The following MAGI3 variants were observed in gnomAD, a reference collection of about 807,000 sequenced individuals.
MAGI3 encodes membrane-associated guanylate kinase, WW and PDZ domain-containing protein 3.
Under a neutral mutation model 121.8 loss-of-function variants are expected in MAGI3, and 43 were observed. The observed-to-expected ratio is 0.35, with a 90% CI of 0.28 to 0.46. The LOEUF is 0.46. Ranked by LOEUF, MAGI3 falls within the 20% of genes least tolerant of loss-of-function variation. The pLI, the probability that MAGI3 is intolerant of heterozygous loss-of-function variation, is 1.00. For missense variants in MAGI3, 1,547 were observed against 1,797.3 expected (o/e 0.86, Z 2.52); for synonymous variants, 553 against 639.3 (o/e 0.86, Z 2.04).
Position 113,642,403 on chromosome 1 carries a change from T to C in MAGI3, c.1853T>C (p.Ile618Thr). The C allele has an allele frequency of 1.2e-6, 2 of 1,614,130 alleles. No individual in the cohort carries two copies. The highest frequency in any genetic ancestry group is 1.7e-6 in the Non-Finnish European group (2 of 1,180,030). Residue 618 changes from isoleucine (I) to threonine (T), a missense_variant, in exon 10 of 21, where the codon ATA becomes ACA. Coordinates refer to ENST00000307546, the MANE Select transcript of MAGI3 (RefSeq NM_001142782.2). ...TGTCAAGGCCTTCAGAAAGGAGATA[T>C]AATTAAGGAAATATACCATCAAAAT... ...QWCQGLQKGD[I>T]IKEIYHQNVQ...
chr1:113,558,614 G>A (rs576496235), intron 2 of MAGI3, among the ~76,000 whole-genome samples: 1 of 151,718 alleles, frequency 6.6e-6, no homozygotes, highest in South Asian at 2.1e-4. Context: ...GGGGAGAATG[G>A]AACCAAGTTG....
chr1:113,392,715 A>G (rs931463158), intron 1 of MAGI3, among the ~76,000 whole-genome samples: 3 of 152,152 alleles, frequency 2.0e-5, no homozygotes, highest in African/African-American at 7.2e-5. Flanking sequence ...ATTTTTTAAA[A>G]CTTTGGCAGA....
At chr1:113,603,265 A>G (rs1434575210) in intron 6 of MAGI3, among the ~76,000 whole-genome samples, 1 of 152,200 alleles carries the variant, frequency 6.6e-6, no homozygotes, top group Non-Finnish European at 1.5e-5. Context: ...TCATGGAAAC[A>G]TACAACCCTC....
chr1:113,581,949 GT>G (rs1413829442), intron 3 of MAGI3, among the ~76,000 whole-genome samples: 2 of 149,404 alleles, frequency 1.3e-5, no homozygotes, highest in Non-Finnish European at 1.5e-5. Flanking sequence ...GTTTGTTTTT[GT>G]TTTTTTTTAA....
chr1:113,613,303 A>G (rs1650272660), intron 6 of MAGI3, among the ~76,000 whole-genome samples: 1 of 152,284 alleles, frequency 6.6e-6, no homozygotes. Flanking sequence ...CTTCAAAGGA[A>G]AAACACAAAA....
chr1:113,591,544 C>T (rs1054265705), intron 5 of MAGI3, among the ~76,000 whole-genome samples: 3 of 152,118 alleles, frequency 2.0e-5, no homozygotes, highest in African/African-American at 7.2e-5. Flanking sequence ...TCTTGCTATA[C>T]CAAATAGGAT....
At chr1:113,524,415 G>C (rs917784102) in intron 1 of MAGI3, among the ~76,000 whole-genome samples, 2 of 152,082 alleles carry the variant, frequency 1.3e-5, no homozygotes, top group Admixed American at 6.6e-5. Context: ...GAAGGAGGCT[G>C]TACCCTGCAA....
intron 7 of MAGI3, among the ~76,000 whole-genome samples, chr1:113,616,939 A>G (rs1650509071): frequency 6.8e-6 from 1 of 147,794 alleles, no homozygotes; most frequent in Non-Finnish European, 1.5e-5. Flanking sequence ...GCTAGAGTGC[A>G]GCAGCACGAT....
intron 1 of MAGI3, among the ~76,000 whole-genome samples, chr1:113,421,753 C>A (rs1219096397): frequency 6.6e-6 from 1 of 152,120 alleles, no homozygotes; most frequent in African/African-American, 2.4e-5. Context: ...AACAAGGAAC[C>A]AGATATAAGG....
intron 1 of MAGI3, among the ~76,000 whole-genome samples, chr1:113,424,106 T>C (rs1285738076): frequency 1.3e-5 from 2 of 152,040 alleles, no homozygotes; most frequent in Non-Finnish European, 2.9e-5. Context: ...GGCTCCCACT[T>C]TGCCAACTCA....
chr1:113,602,969 C>T (rs1570929128), intron 6 of MAGI3, among the ~76,000 whole-genome samples: 1 of 150,538 alleles, frequency 6.6e-6, no homozygotes, highest in Non-Finnish European at 1.5e-5. Context: ...TATGTATACA[C>T]ATATATATAT....
intron 1 of MAGI3, among the ~76,000 whole-genome samples, chr1:113,480,093 G>T (rs1656039380): frequency 6.6e-6 from 1 of 152,054 alleles, no homozygotes; most frequent in Non-Finnish European, 1.5e-5. Flanking sequence ...GTAATTTGTA[G>T]ATCTGTATTT....
intron 16 of MAGI3, among the ~76,000 whole-genome samples, chr1:113,665,891 A>T (rs1001431277): frequency 2.6e-5 from 4 of 152,332 alleles, no homozygotes; most frequent in African/African-American, 9.6e-5. Flanking sequence ...GTTCAGTTAT[A>T]GGCCACTGCC....
intron 1 of MAGI3, chr1:113,450,872 A>G (rs1654452096): frequency 6.4e-6 from 4 of 627,104 alleles, no homozygotes; most frequent in East Asian, 2.7e-5. Context: ...ACGATGATCC[A>G]TAGTCAGAAA....
intron 1 of MAGI3, among the ~76,000 whole-genome samples, chr1:113,505,600 T>A (rs1657288138): frequency 6.6e-6 from 1 of 151,666 alleles, no homozygotes; most frequent in Non-Finnish European, 1.5e-5. Flanking sequence ...AAAGCATTTT[T>A]TCAACGGATA....
At chr1:113,529,372 T>A (rs1658601609) in intron 1 of MAGI3, among the ~76,000 whole-genome samples, 1 of 152,200 alleles carries the variant, frequency 6.6e-6, no homozygotes, top group African/African-American at 2.4e-5. Flanking sequence ...TGATGAGGGC[T>A]CAATTCCTAG....
intron 2 of MAGI3, 39 bp from the exon 3 acceptor site, chr1:113,580,503 A>G (rs747068220): frequency 1.3e-6 from 2 of 1,571,218 alleles, no homozygotes; most frequent in Admixed American, 3.8e-5. Flanking sequence ...TAAGTTTAAA[A>G]GTACTTTACA....
At chr1:113,595,453 A>T (rs1467002406) in intron 6 of MAGI3, among the ~76,000 whole-genome samples, 1 of 152,196 alleles carries the variant, frequency 6.6e-6, no homozygotes, top group East Asian at 1.9e-4. Context: ...ACTATGTATT[A>T]ATTGGTTTTA....
intron 19 of MAGI3, among the ~76,000 whole-genome samples, chr1:113,677,864 T>C (rs192481404): frequency 1.8e-4 from 28 of 152,332 alleles, no homozygotes; most frequent in African/African-American, 6.7e-4. Flanking sequence ...TTTTATCACA[T>C]TTTTAAAGTG....
Sources: allele counts gnomAD v4.1 joint callset (sites outside exome capture counted in the v4.1 genomes callset), GRCh38; gene constraint gnomAD v4.1.1; transcripts MANE v1.5; gene names NCBI Gene and HGNC (gene_info 2026-07-23, HGNC 2026-07-21).